Variants in FOXA2 observed in about 807,000 individuals in gnomAD.
The protein encoded by FOXA2 is forkhead box A2.
Under a neutral mutation model 33.3 loss-of-function variants are expected in FOXA2, and 9 were observed. The observed-to-expected ratio is 0.27, with a 90% CI of 0.16 to 0.47. The LOEUF (loss-of-function observed/expected upper bound fraction) is 0.47. Among genes scored for constraint, FOXA2 ranks in the 20% least tolerant of loss-of-function variants. The pLI is 0.99. For missense variants in FOXA2, 704 were observed against 659.9 expected (o/e 1.07, Z -0.73); for synonymous variants, 329 against 289.4 (o/e 1.14, Z -1.39).
Position 22,582,840 on chromosome 20 carries a change from G to A in FOXA2, c.402C>T (p.Ala134=). ...ACATGGGGCTCATGGAGTTCATGTT[G>A]GCGTAGGGGGCCAGGCCGCCCATGG... ...AGAMGGLAPY[A]NMNSMSPMYG... The change falls in exon 2 of 2, where the codon GCC becomes GCT. Residue 134 remains alanine (A), a synonymous_variant. Coordinates refer to ENST00000419308, the MANE Select transcript of FOXA2 (RefSeq NM_021784.5). 2 of 1,604,068 alleles carry A rather than the reference G, an allele frequency of 1.2e-6. No individual in the cohort carries two copies. The highest frequency in any genetic ancestry group is 2.2e-5 in the East Asian group (1 of 44,654).
In FOXA2 at chr20:22,584,402, C is replaced by G; in HGVS notation, c.-124G>C. 1 of 781,766 alleles carries G rather than the reference C, an allele frequency of 1.3e-6. No homozygotes were observed. Among genetic ancestry groups the G allele is most frequent in the Non-Finnish European group, 2.2e-6 (1 of 460,242 alleles). 48.4% of individuals were successfully genotyped at this position (781,766 alleles called of 1,614,324 possible). On this transcript the variant is annotated 5_prime_UTR_variant, in exon 1 of 2. Coordinates refer to ENST00000419308, the MANE Select transcript of FOXA2 (RefSeq NM_021784.5). ...CCCTCCCTCTCTCGCGCTCCCTCTC[C>G]CTGGGCTCCACTCCCTCTCTCTCCC... is the stretch of plus-strand genomic sequence containing the variant.
Position 22,582,772 on chromosome 20 carries a change from T to C in FOXA2, c.470A>G (p.Tyr157Cys). Residue 157 changes from tyrosine to cysteine, a missense_variant, in exon 2 of 2, where the codon TAC (tyrosine) becomes TGC (cysteine). Tyr to Cys is a radical substitution (Grantham distance 194, BLOSUM62 -2). Coordinates refer to ENST00000419308, the MANE Select transcript of FOXA2 (RefSeq NM_021784.5). ...CTTTGCGTGCGTGTAGCTGCGCCTG[T>C]AGGTCTTGGGGTCGCGGGCGCGGCT... is the stretch of plus-strand genomic sequence containing the variant. ...GLSRARDPKT[Y>C]RRSYTHAKPP... is the part of the protein sequence containing the mutation. The C allele has an allele frequency of 5.0e-6, 8 of 1,614,100 alleles. No individual in the cohort carries two copies. The highest frequency in any genetic ancestry group is 6.8e-6 in the Non-Finnish European group (8 of 1,179,984).
chr20:22,581,624 CTTAT>C lies in FOXA2; in HGVS notation c.*222_*225del. On this transcript the variant is annotated 3_prime_UTR_variant, in exon 2 of 2. Transcript: ENST00000419308. ...CTTTATATTCTTTCCCGTTTTCCTC[CTTAT>C]ATAGAACGTGGGGTATCTGTGTGGC... The C allele has an allele frequency of 2.1e-6, 1 of 482,170 alleles. No homozygotes were observed. The highest frequency in any genetic ancestry group is 3.7e-6 in the Non-Finnish European group (1 of 273,374). The allele number at this position is 482,170 out of a possible 1,614,324, so 29.9% of individuals were successfully genotyped here. A position where few individuals can be genotyped will look rare whatever the true frequency, so the allele number is the denominator to read the frequency against.
chr20:22,582,645 G>C lies in FOXA2; in HGVS notation c.597C>G (p.Phe199Leu). The change falls in exon 2 of 2, where the codon TTC (phenylalanine) becomes TTG (leucine). Residue 199 changes from phenylalanine to leucine, a missense_variant. By Grantham distance (22) the Phe-to-Leu change is conservative. Coordinates refer to ENST00000419308, the MANE Select transcript of FOXA2 (RefSeq NM_021784.5). ...GCTGCTGGTTCTGCCGGTAGAAGGG[G>C]AAGAGGTCCATGATCCACTGGTAGA... ...SEIYQWIMDLFPFYRQNQQRW... is the reference protein window; with the variant it reads ...SEIYQWIMDLLPFYRQNQQRW... 6.2e-7 allele frequency: 1 copy of C among 1,614,222 alleles called. No homozygotes were observed. Among genetic ancestry groups the C allele is most frequent in the South Asian group, 1.1e-5 (1 of 91,088 alleles).
rs1256142972 is a variant in FOXA2 at position 22,582,302 on chromosome 20, C to T, written c.940G>A (p.Ala314Thr). ...PAGTESPHSS[A>T]SPCQEHKRGG... ...CGCTTGTGCTCCTGGCACGGGGAGGCGCTCGAGTGAGGCGACTCGGTGCCC... is the reference window on the plus strand; with the variant it reads ...CGCTTGTGCTCCTGGCACGGGGAGGTGCTCGAGTGAGGCGACTCGGTGCCC... Residue 314 changes from alanine to threonine, a missense_variant, in exon 2 of 2, where the codon GCC becomes ACC. Transcript: ENST00000419308. 5.4e-6 allele frequency: 8 copies of T among 1,470,380 alleles called. No homozygotes were observed. The highest frequency in any genetic ancestry group is 7.1e-6 in the Non-Finnish European group (8 of 1,120,534). The allele number at this position is 1,470,380 out of a possible 1,614,324, so 91.1% of individuals were successfully genotyped here. A position where few individuals can be genotyped will look rare whatever the true frequency, so the allele number is the denominator to read the frequency against.
intron 1 of FOXA2, 135 bp downstream of exon 1, chr20:22,584,057 C>A (rs899768174): frequency 1.5e-4 from 113 of 735,656 alleles, no homozygotes; most frequent in Middle Eastern, 3.8e-4. Context: ...CCAAGGAGGG[C>A]GGAAAAGGCG....
upstream of FOXA2, chr20:22,585,241 A>G (rs563291785): frequency 2.0e-5 from 3 of 152,272 alleles, no homozygotes; most frequent in Non-Finnish European, 4.4e-5. Flanking sequence ...CAATTTGCAA[A>G]GCGCTGTCCT....
In FOXA2 at chr20:22,582,326, C is replaced by T. The variant is rs1984606812; in HGVS notation, c.916G>A (p.Gly306Ser). ...AAGPASETPA[G>S]TESPHSSASP... is the part of the protein sequence containing the mutation. Reference sequence around the variant, plus strand: ...GCGCTCGAGTGAGGCGACTCGGTGCCCGCCGGAGTCTCGGAGGCCGGCCCG... The same window carrying T: ...GCGCTCGAGTGAGGCGACTCGGTGCTCGCCGGAGTCTCGGAGGCCGGCCCG... The change falls in exon 2 of 2, where the codon GGC (glycine) becomes AGC (serine). Residue 306 changes from glycine to serine, a missense_variant. Transcript: ENST00000419308. 6.8e-7 allele frequency: 1 copy of T among 1,478,492 alleles called. No homozygotes were observed. Among genetic ancestry groups the T allele is most frequent in the Non-Finnish European group, 8.9e-7 (1 of 1,123,232 alleles). The allele number at this position is 1,478,492 out of a possible 1,614,324, so 91.6% of individuals were successfully genotyped here. A position where few individuals can be genotyped will look rare whatever the true frequency, so the allele number is the denominator to read the frequency against.
In FOXA2 at chr20:22,582,588, G is replaced by A. The variant is rs1313837158; in HGVS notation, c.654C>T (p.Ser218=). The change falls in exon 2 of 2, where the codon TCC becomes TCT. Residue 218 remains serine (S), a synonymous_variant. Coordinates refer to ENST00000419308, the MANE Select transcript of FOXA2 (RefSeq NM_021784.5). ...GCACCTTCAGGAAACAGTCGTTGAA[G>A]GAGAGCGAGTGGCGGATGGAGTTCT... ...RWQNSIRHSL[S]FNDCFLKVPR... The A allele has an allele frequency of 2.5e-6, 4 of 1,614,204 alleles. No homozygotes were observed. The highest frequency in any genetic ancestry group is 2.5e-6 in the Non-Finnish European group (3 of 1,180,048).
In FOXA2 at chr20:22,582,975, G is replaced by T; in HGVS notation, c.267C>A (p.Gly89=). The change falls in exon 2 of 2, where the codon GGC becomes GGA. Residue 89 remains glycine, a synonymous_variant. Transcript: ENST00000419308. Reference sequence around the variant, plus strand: ...CGCCCATGCCCGCCATGGCGCCCGCGCCGGGGGACATCCCCGCCAGGGACG... The same window carrying T: ...CGCCCATGCCCGCCATGGCGCCCGCTCCGGGGGACATCCCCGCCAGGGACG... ...MSPSLAGMSP[G]AGAMAGMGGS... is the part of the protein sequence containing the mutation. 2 of 1,603,474 alleles carry T rather than the reference G, an allele frequency of 1.2e-6. No homozygotes were observed. The highest frequency in any genetic ancestry group is 2.2e-5 in the East Asian group (1 of 44,554).
intron 1 of FOXA2, among the ~76,000 whole-genome samples, chr20:22,583,653 C>G (rs1984667792): frequency 6.6e-6 from 1 of 152,256 alleles, no homozygotes; most frequent in Non-Finnish European, 1.5e-5. Flanking sequence ...GACCCCCTCC[C>G]TTGTCCCAGG....
At position 22,582,219 on chromosome 20, in the gene FOXA2, C is replaced by T. The variant is rs984887418; in HGVS notation, c.1023G>A (p.Pro341=). Residue 341 remains proline, a synonymous_variant, in exon 2 of 2, where the codon CCG becomes CCA. Coordinates refer to ENST00000419308, the MANE Select transcript of FOXA2 (RefSeq NM_021784.5). ...TPAAALSPPE[P]APSPGQQQQA... is the part of the protein sequence containing the mutation. ...GCTGCTGCTGCCCGGGAGAGGGCGC[C>T]GGCTCTGGGGGGCTCAGCGCCGCAG... is the stretch of plus-strand genomic sequence containing the variant. 3.9e-6 allele frequency: 6 copies of T among 1,538,570 alleles called. No homozygotes were observed. The highest frequency in any genetic ancestry group is 2.7e-5 in the African/African-American group (2 of 72,836).
At chr20:22,584,101 T>TG (rs990432920) in intron 1 of FOXA2, 91 bp downstream of exon 1, 39 of 1,082,066 alleles carry the variant, frequency 3.6e-5, no homozygotes, top group Middle Eastern at 3.2e-4. Flanking sequence ...TGGGGCGGGG[T>TG]GGGGGGGTGC....
chr20:22,582,206 C>T lies in FOXA2; in HGVS notation c.1036G>A (p.Gly346Arg), dbSNP rs775402453. Residue 346 changes from glycine (G) to arginine (R), a missense_variant, in exon 2 of 2, where the codon GGG (glycine) becomes AGG (arginine). Around this residue, in one of 5 missense-constraint regions of FOXA2, gnomAD observed 343 missense variants for 274.8 expected, o/e 1.25. Transcript: ENST00000419308. ...LSPPEPAPSP[G>R]QQQQAAAHLL... is the part of the protein sequence containing the mutation. ...TGGGCCGCGGCCTGCTGCTGCTGCC[C>T]GGGAGAGGGCGCCGGCTCTGGGGGG... 7.1e-6 allele frequency: 11 copies of T among 1,545,458 alleles called. No individual in the cohort carries two copies. The highest frequency in any genetic ancestry group is 1.2e-5 in the South Asian group (1 of 83,688).
At chr20:22,584,059 G>A (rs1479230232) in intron 1 of FOXA2, 133 bp downstream of exon 1, 7 of 766,608 alleles carry the variant, frequency 9.1e-6, no homozygotes, top group Non-Finnish European at 1.4e-5. Context: ...AAGGAGGGCG[G>A]AAAAGGCGGC....
At chr20:22,584,765 A>T (rs1005257770), upstream of FOXA2, among the ~76,000 whole-genome samples, 2 of 151,116 alleles carry the variant, frequency 1.3e-5, no homozygotes, top group African/African-American at 4.9e-5. Context: ...GAGGCTGGTG[A>T]TATAGCGCGG....
At position 22,582,305 on chromosome 20, in the gene FOXA2, T is replaced by C. The variant is rs1984605535; in HGVS notation, c.937A>G (p.Ser313Gly). The part of the protein sequence containing the change: ...TPAGTESPHS[S>G]ASPCQEHKRG... ...TTGTGCTCCTGGCACGGGGAGGCGC[T>C]CGAGTGAGGCGACTCGGTGCCCGCC... Residue 313 changes from serine to glycine, a missense_variant, in exon 2 of 2, where the codon AGC becomes GGC. Coordinates refer to ENST00000419308, the MANE Select transcript of FOXA2 (RefSeq NM_021784.5). 4 of 1,471,296 alleles carry C rather than the reference T, an allele frequency of 2.7e-6. No homozygotes were observed. Among genetic ancestry groups the C allele is most frequent in the African/African-American group, 2.9e-5 (2 of 68,468 alleles). 91.1% of individuals were successfully genotyped at this position (1,471,296 alleles called of 1,614,324 possible).
chr20:22,581,478 G>A lies in FOXA2; in HGVS notation c.*372C>T. 1 of 162,530 alleles carries A rather than the reference G, an allele frequency of 6.2e-6. No individual in the cohort carries two copies. Among genetic ancestry groups the A allele is most frequent in the East Asian group, 1.7e-4 (1 of 5,864 alleles). The allele number at this position is 162,530 out of a possible 1,614,324, so 10.1% of individuals were successfully genotyped here. The stretch of plus-strand genomic sequence containing the variant: ...TCACAAAATTTTTTTTTTTTTTTAA[G>A]TAAGACTTCCCTGCAACAACAGCAA... On this transcript the variant is annotated 3_prime_UTR_variant, in exon 2 of 2. Coordinates refer to ENST00000419308, the MANE Select transcript of FOXA2 (RefSeq NM_021784.5).
Position 22,581,971 on chromosome 20 carries a change from A to C in FOXA2, c.1271T>G (p.Met424Arg). 6.2e-7 allele frequency: 1 copy of C among 1,613,432 alleles called. No individual in the cohort carries two copies. Among genetic ancestry groups the C allele is most frequent in the African/African-American group, 1.3e-5 (1 of 75,026 alleles). The change falls in exon 2 of 2, where the codon ATG (methionine) becomes AGG (arginine). Residue 424 changes from methionine (M) to arginine (R), a missense_variant. Physicochemically the swap from Met to Arg is moderately conservative, Grantham distance 91. Coordinates refer to ENST00000419308, the MANE Select transcript of FOXA2 (RefSeq NM_021784.5). ...CGGGCCCATGGCCAAGCTGCCAGGC[A>C]TGGGGGAACCGTAGCCGGGGTAGTG... ...VMHYPGYGSPMPGSLAMGPVT... is the reference protein window; with the variant it reads ...VMHYPGYGSPRPGSLAMGPVT...
Sources: allele counts gnomAD v4.1 joint callset (sites outside exome capture counted in the v4.1 genomes callset), GRCh38; gene constraint gnomAD v4.1.1; regional missense constraint gnomAD v4.1.1; transcripts MANE v1.5; gene names NCBI Gene and HGNC (gene_info 2026-07-23, HGNC 2026-07-21).